Variants in HIPK3 observed in about 807,000 individuals in gnomAD.
HIPK3 encodes homeodomain interacting protein kinase 3.
In HIPK3, 47 loss-of-function variants were observed where a neutral mutation model predicts 124.2. That is an observed-to-expected ratio of 0.38 (90% CI 0.30 to 0.48). HIPK3 has a LOEUF of 0.48. Among genes scored for constraint, HIPK3 ranks in the 20% least tolerant of loss-of-function variants. The pLI, the probability that HIPK3 is intolerant of heterozygous loss-of-function variation, is 0.98. For synonymous variants in HIPK3, 482 were observed against 515.2 expected (o/e 0.94, Z 0.87); for missense variants, 1,286 against 1,454.3 (o/e 0.88, Z 1.88).
At chr11:33,263,534 T>C (rs1313741942) in intron 1 of HIPK3, among the ~76,000 whole-genome samples, 1 of 152,112 alleles carries the variant, frequency 6.6e-6, no homozygotes, top group Non-Finnish European at 1.5e-5. Context: ...CAGGGTGGTC[T>C]CAAACTCCTG....
intron 5 of HIPK3, 131 bp downstream of exon 5, chr11:33,338,974 A>G: frequency 1.8e-6 from 1 of 555,886 alleles, no homozygotes; most frequent in Admixed American, 3.1e-5. Context: ...TTTTCAAATG[A>G]AACTGATTCT....
intron 1 of HIPK3, among the ~76,000 whole-genome samples, chr11:33,264,814 A>T (rs1850912684): frequency 6.6e-6 from 1 of 152,204 alleles, no homozygotes; most frequent in South Asian, 2.1e-4. Context: ...GCAGGATATA[A>T]CTTTGCTTAT....
rs1440216782 is a variant in HIPK3, at chr11:33,350,187, G to A, written c.2807+900G>A. Among the ~76,000 whole-genome samples the A allele has an allele frequency of 6.6e-5, 10 of 152,282 alleles. No individual in the cohort carries two copies. In the South Asian group the frequency reaches 1.2e-3, roughly 19 times the overall value. ...TAGCAAAATTAAAAAGGAATGTTTT[G>A]CATAATGAAGTACTCACTGGCCCAC... On this transcript the variant is annotated intron_variant, in intron 14 of 16. Transcript: ENST00000303296.
At chr11:33,272,094 A>C (rs1409216682) in intron 1 of HIPK3, among the ~76,000 whole-genome samples, 1 of 152,198 alleles carries the variant, frequency 6.6e-6, no homozygotes, top group Admixed American at 6.5e-5. Context: ...GTTGTAATAG[A>C]TTTTTAAGAA....
At chr11:33,272,429 C>T (rs544979139) in intron 1 of HIPK3, among the ~76,000 whole-genome samples, 4 of 151,802 alleles carry the variant, frequency 2.6e-5, no homozygotes, top group South Asian at 4.2e-4. Flanking sequence ...AATTCAATGT[C>T]GTTTCTTTGT....
chr11:33,301,390 T>C, intron 2 of HIPK3, among the ~76,000 whole-genome samples: 1 of 152,190 alleles, frequency 6.6e-6, no homozygotes, highest in Non-Finnish European at 1.5e-5. Context: ...ATTTTTGAAA[T>C]ACAGTTAAGT....
At chr11:33,345,699 G>A (rs1853472482) in intron 8 of HIPK3, among the ~76,000 whole-genome samples, 1 of 151,916 alleles carries the variant, frequency 6.6e-6, no homozygotes, top group Non-Finnish European at 1.5e-5. Context: ...ATGTCTTGGA[G>A]AATTGGATGA....
intron 2 of HIPK3, among the ~76,000 whole-genome samples, chr11:33,304,022 T>A (rs1287444946): frequency 2.0e-5 from 3 of 152,056 alleles, no homozygotes; most frequent in Admixed American, 1.3e-4. Flanking sequence ...CTCACTGCAA[T>A]CTCCGCCTCC....
Position 33,312,309 on chromosome 11 carries a change from G to A in HIPK3, c.1098-16201G>A, listed in dbSNP as rs868116735. Among the ~76,000 whole-genome samples the A allele has an allele frequency of 1.1e-4, 16 of 152,118 alleles. No individual in the cohort carries two copies. The South Asian group carries it at 1.4e-3, about 14-fold the overall frequency. Reference sequence around the variant, plus strand: ...TAGACTGTTATTTGTTGGGATTACTGGTTTTGATAGGAAATTATGCAGGGT... The same window carrying A: ...TAGACTGTTATTTGTTGGGATTACTAGTTTTGATAGGAAATTATGCAGGGT... On this transcript the variant is annotated intron_variant, in intron 2 of 16. Transcript: ENST00000303296.
intron 2 of HIPK3, among the ~76,000 whole-genome samples, chr11:33,309,182 A>G (rs1852251979): frequency 6.6e-6 from 1 of 152,134 alleles, no homozygotes; most frequent in Non-Finnish European, 1.5e-5. Context: ...ATCACCCTCA[A>G]CCTGAGGGAG....
chr11:33,304,044 G>A (rs1490366047), intron 2 of HIPK3, among the ~76,000 whole-genome samples: 2 of 152,064 alleles, frequency 1.3e-5, no homozygotes, highest in African/African-American at 4.8e-5. Context: ...AGGTTCATGC[G>A]ATTCCTCTGC....
chr11:33,343,572 G>A (rs995466314), intron 8 of HIPK3, among the ~76,000 whole-genome samples: 7 of 152,012 alleles, frequency 4.6e-5, no homozygotes, highest in African/African-American at 1.5e-4. Context: ...TAGCCGCTGC[G>A]CCCAGCCTCT....
intron 2 of HIPK3, among the ~76,000 whole-genome samples, chr11:33,295,493 C>G (rs796662883): frequency 1.5e-4 from 23 of 152,358 alleles, no homozygotes; most frequent in African/African-American, 5.3e-4. Context: ...TATGTTGCGT[C>G]GTTATGAAAC....
intron 8 of HIPK3, among the ~76,000 whole-genome samples, chr11:33,342,924 T>C (rs1297825267): frequency 6.6e-6 from 1 of 152,194 alleles, no homozygotes; most frequent in African/African-American, 2.4e-5. Context: ...CTGGAATAAC[T>C]GGACTAAAAC....
intron 2 of HIPK3, among the ~76,000 whole-genome samples, chr11:33,296,755 C>T (rs967834627): frequency 6.6e-6 from 1 of 152,218 alleles, no homozygotes; most frequent in African/African-American, 2.4e-5. Flanking sequence ...GCTCTAACAA[C>T]CAGCTGATCC....
Position 33,287,362 on chromosome 11 carries a change from T to C in HIPK3, c.948T>C (p.Leu316=), listed in dbSNP as rs1851586136. 1.2e-6 allele frequency: 2 copies of C among 1,614,086 alleles called. No individual in the cohort carries two copies. The highest frequency in any genetic ancestry group is 2.7e-5 in the African/African-American group (2 of 74,936). The part of the protein sequence containing the change: ...VATALKKLKS[L]GLIHADLKPE... ...CTGCACTGAAAAAATTGAAAAGTCT[T>C]GGTTTAATTCATGCTGATCTCAAGC... The change falls in exon 2 of 17, where the codon CTT becomes CTC. Residue 316 remains leucine, a synonymous_variant. Coordinates refer to ENST00000303296, the MANE Select transcript of HIPK3 (RefSeq NM_005734.5).
chr11:33,324,342 T>G (rs2068825), intron 2 of HIPK3, among the ~76,000 whole-genome samples: 11,628 of 152,300 alleles, frequency 0.076, 610 homozygotes, highest in East Asian at 0.12. Flanking sequence ...TTCCCAACTT[T>G]CCTCATGCTA....
intron 2 of HIPK3, among the ~76,000 whole-genome samples, chr11:33,311,911 A>ACG (rs1491139318): frequency 1.2e-3 from 2 of 1,658 alleles, no homozygotes; most frequent in Non-Finnish European, 4.3e-3. Context: ...CCCTGTTTCT[A>ACG]CACACACACA....
At chr11:33,304,708 A>G (rs1408764728) in intron 2 of HIPK3, among the ~76,000 whole-genome samples, 1 of 152,204 alleles carries the variant, frequency 6.6e-6, no homozygotes, top group African/African-American at 2.4e-5. Flanking sequence ...CCAGTCCTCA[A>G]TGATACACAT....
Sources: allele counts gnomAD v4.1 joint callset (sites outside exome capture counted in the v4.1 genomes callset), GRCh38; gene constraint gnomAD v4.1.1; transcripts MANE v1.5; gene names NCBI Gene and HGNC (gene_info 2026-07-23, HGNC 2026-07-21).